FOXP2: variants seen among roughly 807,000 people sequenced by gnomAD.
The protein encoded by FOXP2 is forkhead box P2, also known as forkhead box protein P2.
FOXP2 carries 12 observed loss-of-function variants against 115.8 expected under a neutral mutation model. The observed-to-expected ratio is 0.10, with a 90% CI of 0.07 to 0.17. The LOEUF (loss-of-function observed/expected upper bound fraction) is 0.17, where lower values mean the gene tolerates loss of function less well. Among genes scored for constraint, FOXP2 ranks in the 10% least tolerant of loss-of-function variants. FOXP2 has a pLI of 1.00. For missense variants in FOXP2, 629 were observed against 843.5 expected (o/e 0.75, Z 3.15); for synonymous variants, 328 against 297.7 (o/e 1.10, Z -1.05).
chr7:114,087,229 G>C (rs1799437735), upstream of FOXP2, among the ~76,000 whole-genome samples: 3 of 152,174 alleles, frequency 2.0e-5, no homozygotes, highest in Admixed American at 2.0e-4. Flanking sequence ...CCAGGAAGGA[G>C]AGAGATGGAA....
intron 2 of FOXP2, among the ~76,000 whole-genome samples, chr7:114,502,238 G>T (rs1797595809): frequency 6.6e-6 from 1 of 151,934 alleles, no homozygotes; most frequent in Admixed American, 6.6e-5. Flanking sequence ...AGGAAATTTT[G>T]TTCTTTTATG....
rs1000574014 is a variant in FOXP2 at position 114,691,563 on chromosome 7, T to A, written c.*1637T>A. On this transcript the variant is annotated 3_prime_UTR_variant, in exon 17 of 17. Coordinates refer to ENST00000350908, the MANE Select transcript of FOXP2 (RefSeq NM_014491.4). The stretch of plus-strand genomic sequence containing the variant: ...CCAAAACTATGATAATGAGTTATGA[T>A]GTAGTTGAAAATAGCATAGTCAGAT... 7 of 453,886 alleles carry A rather than the reference T, an allele frequency of 1.5e-5. No individual in the cohort carries two copies. Among genetic ancestry groups the A allele is most frequent in the Non-Finnish European group, 3.1e-5 (7 of 226,768 alleles). 28.1% of individuals were successfully genotyped at this position (453,886 alleles called of 1,614,324 possible).
intron 1 of FOXP2, among the ~76,000 whole-genome samples, chr7:114,268,029 G>A (rs1795940916): frequency 6.6e-6 from 1 of 151,926 alleles, no homozygotes; most frequent in Non-Finnish European, 1.5e-5. Flanking sequence ...ACTACTCTAT[G>A]TATTTCATAT....
intron 1 of FOXP2, among the ~76,000 whole-genome samples, chr7:114,230,814 A>G (rs1794855780): frequency 1.3e-5 from 2 of 151,988 alleles, no homozygotes. Context: ...CAGGAACAAG[A>G]CAAGAACATT....
rs1167641888 is a variant in FOXP2 at position 114,415,333 on chromosome 7, G to A, written c.-38G>A. 3 of 452,338 alleles carry A rather than the reference G, an allele frequency of 6.6e-6. No individual in the cohort carries two copies. Among genetic ancestry groups the A allele is most frequent in the Admixed American group, 2.4e-5 (1 of 42,242 alleles). 28.0% of individuals were successfully genotyped at this position (452,338 alleles called of 1,614,324 possible). On this transcript the variant is annotated 5_prime_UTR_variant, in exon 1 of 17. Coordinates refer to ENST00000350908, the MANE Select transcript of FOXP2 (RefSeq NM_014491.4). ...CAAACTCCTATGAAGTTGAAACCGG[G>A]AAGTTTGCTCTAACATTTCCAGAGA...
intron 1 of FOXP2, among the ~76,000 whole-genome samples, chr7:114,164,209 T>A (rs1792913288): frequency 6.6e-6 from 1 of 152,146 alleles, no homozygotes; most frequent in Admixed American, 6.6e-5. Context: ...AATTATAAAT[T>A]AGCACAAACT....
intron 2 of FOXP2, among the ~76,000 whole-genome samples, chr7:114,340,924 A>G (rs1791186280): frequency 6.6e-6 from 1 of 151,108 alleles, no homozygotes; most frequent in Non-Finnish European, 1.5e-5. Flanking sequence ...ATTTTAATTA[A>G]GCCCCCCTAC....
chr7:114,580,425 A>C (rs1801789957), intron 3 of FOXP2, among the ~76,000 whole-genome samples: 1 of 152,122 alleles, frequency 6.6e-6, no homozygotes, highest in African/African-American at 2.4e-5. Context: ...TAAAAATACA[A>C]AAATTAGCTG....
intron 2 of FOXP2, among the ~76,000 whole-genome samples, chr7:114,294,633 G>T (rs1796691462): frequency 6.6e-6 from 1 of 152,048 alleles, no homozygotes; most frequent in Admixed American, 6.6e-5. Context: ...CTGAGATCAG[G>T]AGTTAGAGAC....
intron 1 of FOXP2, among the ~76,000 whole-genome samples, chr7:114,090,680 A>G (rs1799524175): frequency 6.6e-6 from 1 of 151,828 alleles, no homozygotes; most frequent in African/African-American, 2.4e-5. Flanking sequence ...TAAATGTTGT[A>G]GTTTAGTTTT....
Position 114,523,295 on chromosome 7 carries a change from A to C in FOXP2, c.169-11322A>C, listed in dbSNP as rs144574305. 4.2e-3 allele frequency among the ~76,000 whole-genome samples: 639 copies of C among 152,292 alleles called. 8 individuals carry two copies. Among genetic ancestry groups the C allele is most frequent in the African/African-American group, 0.015 (606 of 41,576 alleles). On this transcript the variant is annotated intron_variant, in intron 2 of 16. Coordinates refer to ENST00000350908, the MANE Select transcript of FOXP2 (RefSeq NM_014491.4). Reference sequence around the variant, plus strand: ...TTGGCATCTCTGTCATTTTGTTTCTAAGAATATTCTAATATTAGCTTTAGG... The same window carrying C: ...TTGGCATCTCTGTCATTTTGTTTCTCAGAATATTCTAATATTAGCTTTAGG...
chr7:114,247,050 T>G (rs1302868200), intron 1 of FOXP2, among the ~76,000 whole-genome samples: 2 of 152,206 alleles, frequency 1.3e-5, no homozygotes, highest in African/African-American at 4.8e-5. Flanking sequence ...TGTTTAAAGT[T>G]GTTTCTATGT....
At chr7:114,199,841 G>A (rs911645347) in intron 1 of FOXP2, among the ~76,000 whole-genome samples, 14 of 152,082 alleles carry the variant, frequency 9.2e-5, no homozygotes, top group Non-Finnish European at 1.6e-4. Context: ...GAGATTGCAG[G>A]AATTGGTGAA....
chr7:114,307,327 C>A (rs183515965), intron 2 of FOXP2, among the ~76,000 whole-genome samples: 119 of 152,088 alleles, frequency 7.8e-4, no homozygotes, highest in African/African-American at 2.5e-3. Flanking sequence ...TGGACTCAGC[C>A]AATTTTGAAT....
rs149658132 is a variant in FOXP2 at position 114,582,627 on chromosome 7, T to C, written c.259-45913T>C. Among the ~76,000 whole-genome samples the C allele has an allele frequency of 1.9e-4, 29 of 152,314 alleles. 1 individual carries two copies. Among genetic ancestry groups the C allele is most frequent in the South Asian group, 1.4e-3 (7 of 4,832 alleles). On this transcript the variant is annotated intron_variant, in intron 3 of 16. Coordinates refer to ENST00000350908, the MANE Select transcript of FOXP2 (RefSeq NM_014491.4). ...TTTCCTCAGAGTTGATGGATTAGCA[T>C]AAATCTAAAGAACATAAATTATTTT...
At chr7:114,419,149 A>C (rs923617571) in intron 1 of FOXP2, among the ~76,000 whole-genome samples, 3 of 152,098 alleles carry the variant, frequency 2.0e-5, no homozygotes, top group Admixed American at 2.0e-4. Context: ...TATGTCAAGT[A>C]TATGCATGTA....
intron 2 of FOXP2, among the ~76,000 whole-genome samples, chr7:114,445,750 ATTT>A (rs1016935135): frequency 4.5e-4 from 69 of 152,168 alleles, no homozygotes; most frequent in African/African-American, 1.7e-3. Context: ...AAATTATAAT[ATTT>A]AATAGTATAA....
chr7:114,409,761 A>G (rs1014300009), upstream of FOXP2, among the ~76,000 whole-genome samples: 2 of 152,082 alleles, frequency 1.3e-5, no homozygotes, highest in Non-Finnish European at 2.9e-5. Flanking sequence ...CATACATTTT[A>G]TTATATAAAC....
intron 1 of FOXP2, among the ~76,000 whole-genome samples, chr7:114,111,935 T>C (rs935068171): frequency 6.6e-6 from 1 of 151,738 alleles, no homozygotes; most frequent in Non-Finnish European, 1.5e-5. Context: ...GAAAAATGGG[T>C]GTTTATTCAA....
Sources: gnomAD v4.1 joint callset for allele counts (sites outside exome capture counted in the v4.1 genomes callset) on GRCh38, gnomAD v4.1.1 for gene constraint, MANE v1.5 for transcripts, NCBI Gene and HGNC (gene_info 2026-07-23, HGNC 2026-07-21) for gene names.